SLC17A1: variants seen among roughly 807,000 people sequenced by gnomAD.
SLC17A1 encodes sodium-dependent phosphate transport protein 1.
In SLC17A1, 51 loss-of-function variants were observed where a neutral mutation model predicts 53.5. The observed-to-expected ratio is 0.95, with a 90% CI of 0.76 to 1.20. The LOEUF (loss-of-function observed/expected upper bound fraction) is 1.20. Ranked by LOEUF, SLC17A1 falls within the 50% of genes most tolerant of loss-of-function variation. The pLI is 0.00. For synonymous variants in SLC17A1, 179 were observed against 198.8 expected (o/e 0.90, Z 0.84); for missense variants, 538 against 568.2 (o/e 0.95, Z 0.54).
At chr6:25,802,746 T>A (rs2151483064) in intron 10 of SLC17A1, among the ~76,000 whole-genome samples, 1 of 152,150 alleles carries the variant, frequency 6.6e-6, no homozygotes, top group African/African-American at 2.4e-5. Flanking sequence ...TTATTGCTTT[T>A]TTGGAAGTAA....
In SLC17A1 at chr6:25,819,868, A is replaced by C; in HGVS notation, c.255T>G (p.Ser85Arg). 1 of 1,613,710 alleles carries C rather than the reference A, an allele frequency of 6.2e-7. No individual in the cohort carries two copies. Among genetic ancestry groups the C allele is most frequent in the Non-Finnish European group, 8.5e-7 (1 of 1,179,852 alleles). The stretch of plus-strand genomic sequence containing the variant: ...TGATGATGACACCATAGGAGGTGGA[A>C]CTCAAGATGATTCCCTGGATATCTG... The part of the protein sequence containing the change: ...WSPDIQGIIL[S>R]STSYGVIIIQ... Residue 85 changes from serine to arginine, a missense_variant, in exon 4 of 13, where the codon AGT becomes AGG. Ser to Arg is a moderately radical substitution (Grantham distance 110). Transcript: ENST00000244527.
intron 6 of SLC17A1, among the ~76,000 whole-genome samples, chr6:25,815,483 T>G (rs758872465): frequency 5.3e-5 from 8 of 152,164 alleles, no homozygotes; most frequent in Non-Finnish European, 1.2e-4. Context: ...GAATTACTAT[T>G]TTTTAAAGCT....
intron 1 of SLC17A1, among the ~76,000 whole-genome samples, chr6:25,831,371 C>G (rs1401499886): frequency 6.6e-6 from 1 of 152,088 alleles, no homozygotes; most frequent in Non-Finnish European, 1.5e-5. Context: ...ATTGGATTTG[C>G]AAAATATTTT....
At chr6:25,769,000 G>A in the SLC17A1 span, 15 of 1,613,794 alleles carry the variant, frequency 9.3e-6, 1 homozygote, top group South Asian at 5.5e-5. Flanking sequence ...TGTTCAGTCC[G>A]ACATGGGCTG....
chr6:25,796,645 T>C (rs1763608248), intron 12 of SLC17A1, among the ~76,000 whole-genome samples: 1 of 152,196 alleles, frequency 6.6e-6, no homozygotes, highest in Non-Finnish European at 1.5e-5. Flanking sequence ...GGATCATTTC[T>C]TCCAATAAAT....
At position 25,784,563 on chromosome 6, in the gene SLC17A1, A is replaced by G. The variant is rs1417278553; in HGVS notation, c.*3-1345T>C. On this transcript the variant is annotated intron_variant, in intron 12 of 12. Transcript: ENST00000244527. ...TGAGAACTCACTCATTATCCAAAGGACAGCACCAAGCTGTCATGAGGGATC... is the reference window on the plus strand; with the variant it reads ...TGAGAACTCACTCATTATCCAAAGGGCAGCACCAAGCTGTCATGAGGGATC... Among the ~76,000 whole-genome samples, 3 of 152,126 alleles carry G rather than the reference A, an allele frequency of 2.0e-5. No homozygotes were observed. The East Asian group carries it at 5.8e-4, about 29-fold the overall frequency.
chr6:25,773,275 G>A, the SLC17A1 span: 1 of 1,612,670 alleles, frequency 6.2e-7, no homozygotes, highest in Non-Finnish European at 8.5e-7. Context: ...CTTTTCCTAG[G>A]AGGAATTGGC....
intron 12 of SLC17A1, 27 bp from the exon 13 acceptor site, chr6:25,783,245 T>G (rs1763305744): frequency 2.0e-5 from 3 of 152,092 alleles, no homozygotes; most frequent in Non-Finnish European, 4.4e-5. Context: ...AAGAAAAAAA[T>G]AGTGCACACA....
At chr6:25,726,744 C>G in the SLC17A1 span, 3 of 1,097,626 alleles carry the variant, frequency 2.7e-6, no homozygotes, top group Non-Finnish European at 3.9e-6. Context: ...AGGGCCGTGC[C>G]TATAAATACC....
chr6:25,751,746 A>G, the SLC17A1 span, among the ~76,000 whole-genome samples: 1 of 152,178 alleles, frequency 6.6e-6, no homozygotes, highest in Non-Finnish European at 1.5e-5. Context: ...TGACTGATAG[A>G]GCCATCATCA....
intron 12 of SLC17A1, among the ~76,000 whole-genome samples, chr6:25,796,964 A>G (rs979719866): frequency 6.6e-6 from 1 of 152,184 alleles, no homozygotes; most frequent in Non-Finnish European, 1.5e-5. Context: ...GCCACTGTGG[A>G]TAAGCTCTAG....
the SLC17A1 span, among the ~76,000 whole-genome samples, chr6:25,763,653 T>C: frequency 2.0e-5 from 3 of 152,122 alleles, no homozygotes; most frequent in African/African-American, 7.2e-5. Context: ...TGTGGAGAAA[T>C]GCCCCCTCCC....
rs1561828720 is a variant in SLC17A1, at chr6:25,800,928, G to A, written c.1231C>T (p.Leu411=). The A allele has an allele frequency of 1.2e-6, 2 of 1,610,134 alleles. No homozygotes were observed. The highest frequency in any genetic ancestry group is 2.2e-5 in the East Asian group (1 of 44,754). The part of the protein sequence containing the change: ...CSTLTGMIGG[L]IASTLTGLIL... ...AATCCAGTCAAAGTGGAAGCAATTA[G>A]TCCTCCTATCATTCCAGTTAAAGTT... Residue 411 remains leucine, a synonymous_variant, in exon 11 of 13, where the codon CTA becomes TTA. Coordinates refer to ENST00000244527, the MANE Select transcript of SLC17A1 (RefSeq NM_005074.5).
chr6:25,815,547 C>T lies in SLC17A1; in HGVS notation c.617-2334G>A, dbSNP rs138539644. Among the ~76,000 whole-genome samples the T allele has an allele frequency of 3.1e-3, 474 of 152,190 alleles. 10 individuals carry two copies. The highest frequency in any genetic ancestry group is 0.027 in the Admixed American group (418 of 15,284). ...CTCTTGCTCCTCATTTCCAACTTAG[C>T]CCTTCAGAAATGCAAATACAACGTT... is the stretch of plus-strand genomic sequence containing the variant. On this transcript the variant is annotated intron_variant, in intron 6 of 12. Transcript: ENST00000244527.
At chr6:25,825,043 G>A (rs927528691) in intron 3 of SLC17A1, among the ~76,000 whole-genome samples, 2 of 151,734 alleles carry the variant, frequency 1.3e-5, no homozygotes, top group African/African-American at 4.8e-5. Flanking sequence ...CTTTTGATTT[G>A]TGTTTTCATG....
chr6:25,813,365 T>A (rs1764229305), intron 6 of SLC17A1, 152 bp from the exon 7 acceptor site: 2 of 665,566 alleles, frequency 3.0e-6, no homozygotes, highest in Non-Finnish European at 5.3e-6. Context: ...TCAGTCCTCC[T>A]TTTATCCACA....
chr6:25,770,982 A>G, the SLC17A1 span: 2 of 1,613,774 alleles, frequency 1.2e-6, no homozygotes, highest in East Asian at 2.2e-5. Flanking sequence ...CTGCCAGACC[A>G]TAGGATGGCC....
chr6:25,819,221 T>C, intron 5 of SLC17A1, 67 bp from the exon 6 acceptor site: 2 of 1,113,002 alleles, frequency 1.8e-6, no homozygotes, highest in South Asian at 3.0e-5. Flanking sequence ...TAATGTAGCC[T>C]CACTGTAGCA....
downstream of SLC17A1, among the ~76,000 whole-genome samples, chr6:25,778,639 A>C (rs942489085): frequency 6.6e-6 from 1 of 152,234 alleles, no homozygotes; most frequent in African/African-American, 2.4e-5. Flanking sequence ...AGAAACAGAA[A>C]GAAATCTATG....
Sources: allele counts gnomAD v4.1 joint callset (sites outside exome capture counted in the v4.1 genomes callset), GRCh38; gene constraint gnomAD v4.1.1; transcripts MANE v1.5; gene names NCBI Gene and HGNC (gene_info 2026-07-23, HGNC 2026-07-21).